The following GBP7 variants were observed in gnomAD, a reference collection of about 807,000 sequenced individuals.
The protein encoded by GBP7 is guanylate binding protein 7.
In GBP7, 43 loss-of-function variants were observed where a neutral mutation model predicts 61.3. The ratio of observed to expected loss-of-function variants is 0.70; its 90% CI spans 0.55 to 0.91. GBP7 has a LOEUF of 0.91. GBP7 is among the 40% of genes least tolerant of loss of function. GBP7 has a pLI of 0.00. For missense variants in GBP7, 717 were observed against 740.5 expected, an observed-to-expected ratio of 0.97 and a Z score of 0.37; for synonymous variants, 267 against 271.0, an observed-to-expected ratio of 0.99 and a Z score of 0.14.
chr1:89,160,529 AGT>A (rs1459153491), intron 3 of GBP7, among the ~76,000 whole-genome samples: 1 of 152,200 alleles, frequency 6.6e-6, no homozygotes, highest in East Asian at 1.9e-4. Context: ...CTCTCTACTC[AGT>A]GTCCTTATCT....
chr1:89,158,822 G>A (rs568309392), intron 3 of GBP7, among the ~76,000 whole-genome samples: 1 of 152,178 alleles, frequency 6.6e-6, no homozygotes. Flanking sequence ...TCCCCATCAA[G>A]CTACCAATGA....
intron 9 of GBP7, among the ~76,000 whole-genome samples, chr1:89,134,544 A>C (rs185313070): frequency 2.0e-5 from 3 of 152,098 alleles, no homozygotes; most frequent in Admixed American, 2.0e-4. Flanking sequence ...CCAGCCTACT[A>C]AGGTTCAAGC....
At position 89,158,225 on chromosome 1, in the gene GBP7, C is replaced by T. The variant is rs55991543; in HGVS notation, c.319-5448G>A. On this transcript the variant is annotated intron_variant, in intron 3 of 10. Transcript: ENST00000294671. ...GGGATGTATTTCAAAATAATAAGAGCTATTTATGACAAACCCACAGCCAAC... is the reference window on the plus strand; with the variant it reads ...GGGATGTATTTCAAAATAATAAGAGTTATTTATGACAAACCCACAGCCAAC... Among the ~76,000 whole-genome samples, 690 of 152,262 alleles carry T rather than the reference C, an allele frequency of 4.5e-3. 1 individual carries two copies. The highest frequency in any genetic ancestry group is 6.4e-3 in the Non-Finnish European group (434 of 68,024).
At chr1:89,147,921 T>C (rs1204888709) in intron 7 of GBP7, 142 bp from the exon 8 acceptor site, 4 of 787,164 alleles carry the variant, frequency 5.1e-6, no homozygotes, top group Non-Finnish European at 8.2e-6. Flanking sequence ...AGACTTGTTT[T>C]AGTTCCAGTT....
In GBP7 at chr1:89,164,785, C is replaced by T. The variant is rs1448433673; in HGVS notation, c.264G>A (p.Lys88=). 6.2e-7 allele frequency: 1 copy of T among 1,613,974 alleles called. No individual in the cohort carries two copies. The highest frequency in any genetic ancestry group is 1.1e-5 in the South Asian group (1 of 91,082). Residue 88 remains lysine (K), a synonymous_variant, in exon 3 of 11, where the codon AAG becomes AAA. Coordinates refer to ENST00000294671, the MANE Select transcript of GBP7 (RefSeq NM_207398.3). ...CCAGAAGGATCAGGGTGTGGTTTGG[C>T]TTGGAGGGGTGGGGCACACACCACA... is the stretch of plus-strand genomic sequence containing the variant. The part of the protein sequence containing the change: ...IWMWCVPHPS[K]PNHTLILLDT...
At chr1:89,135,430 TA>T (rs1681777535) in intron 9 of GBP7, among the ~76,000 whole-genome samples, 1 of 151,542 alleles carries the variant, frequency 6.6e-6, no homozygotes, top group Non-Finnish European at 1.5e-5. Context: ...AAAGAAAAAA[TA>T]TTAAAGGCAG....
At chr1:89,164,910 C>T in intron 2 of GBP7, 52 bp from the exon 3 acceptor site, 1 of 1,598,712 alleles carries the variant, frequency 6.3e-7, no homozygotes, top group Non-Finnish European at 8.6e-7. Flanking sequence ...TCCAGGCAGA[C>T]AAGGCCTATA....
intron 9 of GBP7, among the ~76,000 whole-genome samples, chr1:89,139,557 G>T (rs1462289794): frequency 6.6e-6 from 1 of 152,136 alleles, no homozygotes; most frequent in Non-Finnish European, 1.5e-5. Context: ...CTGACAAAGG[G>T]CTAATATCCA....
chr1:89,172,674 C>G (rs1004463864), intron 1 of GBP7, among the ~76,000 whole-genome samples: 1 of 151,978 alleles, frequency 6.6e-6, no homozygotes, highest in African/African-American at 2.4e-5. Flanking sequence ...ATTTCGCCAC[C>G]TTAAAGAGTT....
intron 3 of GBP7, among the ~76,000 whole-genome samples, chr1:89,162,523 A>G (rs1647305383): frequency 6.6e-6 from 1 of 151,096 alleles, no homozygotes; most frequent in African/African-American, 2.4e-5. Flanking sequence ...CTAAGCAGCA[A>G]TTATGAATGG....
intron 3 of GBP7, among the ~76,000 whole-genome samples, chr1:89,158,365 T>G (rs1251937524): frequency 6.6e-6 from 1 of 152,190 alleles, no homozygotes; most frequent in African/African-American, 2.4e-5. Flanking sequence ...GCCAGGGCAA[T>G]TAGGCAAGAG....
chr1:89,160,350 T>TA (rs1260652639), intron 3 of GBP7, among the ~76,000 whole-genome samples: 1 of 152,116 alleles, frequency 6.6e-6, no homozygotes, highest in Admixed American at 6.5e-5. Context: ...CCCTAGAACT[T>TA]AAAGTATAAT....
intron 8 of GBP7, among the ~76,000 whole-genome samples, chr1:89,145,848 A>G (rs1682049844): frequency 6.6e-6 from 1 of 152,186 alleles, no homozygotes; most frequent in African/African-American, 2.4e-5. Flanking sequence ...GAGATATTCC[A>G]TGTACATTGA....
At chr1:89,135,218 T>A (rs1681770445) in intron 9 of GBP7, among the ~76,000 whole-genome samples, 1 of 152,152 alleles carries the variant, frequency 6.6e-6, no homozygotes. Context: ...ACCAAACCTA[T>A]GACTCATTGG....
chr1:89,166,606 G>A (rs778697675), intron 2 of GBP7, among the ~76,000 whole-genome samples: 6 of 152,166 alleles, frequency 3.9e-5, no homozygotes, highest in Admixed American at 6.5e-5. Context: ...TTTTAAAGGC[G>A]GAAAGTGTGA....
chr1:89,162,304 T>G (rs570952441), intron 3 of GBP7, among the ~76,000 whole-genome samples: 2 of 152,372 alleles, frequency 1.3e-5, no homozygotes, highest in South Asian at 4.1e-4. Flanking sequence ...TTTTTTCTAA[T>G]TCTGTGAAGA....
intron 10 of GBP7, among the ~76,000 whole-genome samples, chr1:89,132,860 G>T (rs1290067902): frequency 1.3e-5 from 2 of 152,196 alleles, no homozygotes; most frequent in East Asian, 1.9e-4. Context: ...AGCAATTTGA[G>T]ATCATTCAGT....
chr1:89,136,960 T>C (rs183424403), intron 9 of GBP7, among the ~76,000 whole-genome samples: 9 of 151,950 alleles, frequency 5.9e-5, no homozygotes, highest in Admixed American at 1.3e-4. Context: ...AATAAAAAAA[T>C]GGCAAAAGGG....
At position 89,150,410 on chromosome 1, in the gene GBP7, T is replaced by C. The variant is rs754405202; in HGVS notation, c.791A>G (p.Gln264Arg). Residue 264 changes from glutamine to arginine, a missense_variant, in exon 6 of 11, where the codon CAA (glutamine) becomes CGA (arginine). By Grantham distance (43) the Gln-to-Arg change is conservative. This residue lies in a region of GBP7 where 387 missense variants were observed against 385.2 expected (regional missense o/e 1.00). Coordinates refer to ENST00000294671, the MANE Select transcript of GBP7 (RefSeq NM_207398.3). ...EDQLDSNFQM[Q>R]SENFCSYIFT... is the part of the protein sequence containing the mutation. ...GATATAAGAACAGAAATTTTCTGAT[T>C]GCATCTGGAAATTACTATCCAGTTG... 2 of 1,613,638 alleles carry C rather than the reference T, an allele frequency of 1.2e-6. No homozygotes were observed. The highest frequency in any genetic ancestry group is 1.7e-6 in the Non-Finnish European group (2 of 1,179,674).
Sources: allele counts gnomAD v4.1 joint callset (sites outside exome capture counted in the v4.1 genomes callset), GRCh38; gene constraint gnomAD v4.1.1; regional missense constraint gnomAD v4.1.1; transcripts MANE v1.5; gene names NCBI Gene and HGNC (gene_info 2026-07-23, HGNC 2026-07-21).